The following XIRP2 variants were observed in gnomAD, a reference collection of about 807,000 sequenced individuals.
XIRP2 encodes the protein xin actin binding repeat containing 2.
In XIRP2, 236 loss-of-function variants were observed where a neutral mutation model predicts 277.0. That is an observed-to-expected ratio of 0.85 (90% confidence interval 0.77 to 0.95). The LOEUF is 0.95. XIRP2 is among the 40% of genes least tolerant of loss of function. The pLI is 0.00. For missense variants in XIRP2, 4,640 were observed against 4,157.5 expected (o/e 1.12, Z -3.19); for synonymous variants, 1,490 against 1,416.5 (o/e 1.05, Z -1.17).
chr2:167,089,287 G>A (rs749182567), intron 2 of XIRP2, among the ~76,000 whole-genome samples: 8 of 151,932 alleles, frequency 5.3e-5, no homozygotes, highest in African/African-American at 9.7e-5. Context: ...GATTTTTTCC[G>A]TGTCTCCTTG....
At chr2:166,945,062 C>A (rs1418342546) in intron 2 of XIRP2, among the ~76,000 whole-genome samples, 2 of 152,082 alleles carry the variant, frequency 1.3e-5, no homozygotes, top group African/African-American at 4.8e-5. Flanking sequence ...CTCCTCCTTA[C>A]CAGGCCTCTC....
chr2:167,074,841 T>A, intron 2 of XIRP2, among the ~76,000 whole-genome samples: 1 of 152,112 alleles, frequency 6.6e-6, no homozygotes, highest in Non-Finnish European at 1.5e-5. Flanking sequence ...CCCAAGCTGG[T>A]CTCAAACTCC....
At chr2:167,073,090 G>C (rs1326817150) in intron 2 of XIRP2, among the ~76,000 whole-genome samples, 4 of 151,998 alleles carry the variant, frequency 2.6e-5, no homozygotes, top group Admixed American at 6.6e-5. Context: ...ATTAAAGGCT[G>C]TTACAACATT....
chr2:167,248,794 G>C lies in XIRP2; in HGVS notation c.7402G>C (p.Val2468Leu). The C allele has an allele frequency of 6.2e-7, 1 of 1,613,660 alleles. No homozygotes were observed. Among genetic ancestry groups the C allele is most frequent in the Non-Finnish European group, 8.5e-7 (1 of 1,179,772 alleles). The change falls in exon 9 of 11, where the codon GTG (valine) becomes CTG (leucine). Residue 2468 changes from valine (V) to leucine (L), a missense_variant. Coordinates refer to ENST00000409195, the MANE Select transcript of XIRP2 (RefSeq NM_152381.6). Reference sequence around the variant, plus strand: ...CTCAAAGGATCAGAAAAAAGTAATGGTGATGACCAGCAGTGAACACACGGA... The same window carrying C: ...CTCAAAGGATCAGAAAAAAGTAATGCTGATGACCAGCAGTGAACACACGGA... ...TTSKDQKKVMVMTSSEHTETK... is the reference protein window; with the variant it reads ...TTSKDQKKVMLMTSSEHTETK...
intron 2 of XIRP2, among the ~76,000 whole-genome samples, chr2:166,918,691 A>G (rs931436955): frequency 6.6e-6 from 1 of 152,174 alleles, no homozygotes; most frequent in African/African-American, 2.4e-5. Context: ...AAAAGAGGAC[A>G]TCAATGGGAA....
At position 166,925,224 on chromosome 2, in the gene XIRP2, TAGTATAAAAGGCATATGA is replaced by T. The variant is rs1685149229; in HGVS notation, c.408+21338_408+21355del. On this transcript the variant is annotated intron_variant, in intron 2 of 10. Coordinates refer to ENST00000409195, the MANE Select transcript of XIRP2 (RefSeq NM_152381.6). ...GGTCTAATATTAGTCATTTAGCTCT[TAGTATAAAAGGCATATGA>T]AGTTTTCATTGAGCCATTTAATTCA... 4.6e-5 allele frequency among the ~76,000 whole-genome samples: 7 copies of T among 152,196 alleles called. No individual in the cohort carries two copies. The South Asian group carries it at 1.5e-3, about 32-fold the overall frequency.
chr2:167,098,062 T>C (rs921199970), intron 2 of XIRP2, among the ~76,000 whole-genome samples: 6 of 152,174 alleles, frequency 3.9e-5, no homozygotes, highest in African/African-American at 1.4e-4. Flanking sequence ...CTTTGTGGTG[T>C]TCTCTGGATT....
intron 2 of XIRP2, among the ~76,000 whole-genome samples, chr2:167,026,401 C>G (rs1406189125): frequency 6.6e-6 from 1 of 152,126 alleles, no homozygotes; most frequent in Non-Finnish European, 1.5e-5. Flanking sequence ...GGTCTTGACT[C>G]TTTATCCAAT....
At chr2:167,048,366 T>C (rs1461146902) in intron 2 of XIRP2, among the ~76,000 whole-genome samples, 4 of 151,968 alleles carry the variant, frequency 2.6e-5, no homozygotes, top group South Asian at 2.1e-4. Context: ...AATTTCCCTT[T>C]GATTATAGAG....
chr2:166,984,753 T>C (rs1686958783), intron 2 of XIRP2, among the ~76,000 whole-genome samples: 1 of 152,192 alleles, frequency 6.6e-6, no homozygotes, highest in Non-Finnish European at 1.5e-5. Flanking sequence ...ATGCAAAGAA[T>C]TTGAATAAAA....
At chr2:167,049,243 C>G (rs1391236862) in intron 2 of XIRP2, among the ~76,000 whole-genome samples, 1 of 151,176 alleles carries the variant, frequency 6.6e-6, no homozygotes, top group Non-Finnish European at 1.5e-5. Context: ...TGGTCTGGTG[C>G]AAGCCCTACC....
At chr2:167,037,546 T>C (rs1205294728) in intron 2 of XIRP2, among the ~76,000 whole-genome samples, 1 of 151,432 alleles carries the variant, frequency 6.6e-6, no homozygotes, top group African/African-American at 2.4e-5. Context: ...TGTGTGTGTG[T>C]GTGTGTGTGT....
At chr2:167,185,129 A>G (rs1693120424) in intron 3 of XIRP2, among the ~76,000 whole-genome samples, 1 of 152,166 alleles carries the variant, frequency 6.6e-6, no homozygotes, top group Non-Finnish European at 1.5e-5. Context: ...TGATGTTTTC[A>G]TTGTCTTCAT....
Position 167,246,806 on chromosome 2 carries a change from A to G in XIRP2, c.5414A>G (p.Glu1805Gly), listed in dbSNP as rs1695285313. ...RQSLVERTVSETDIIPGDVHN... is the reference protein window; with the variant it reads ...RQSLVERTVSGTDIIPGDVHN... ...TCTCTGGTTGAACGTACTGTTAGTGAAACTGACATCATCCCTGGAGATGTG... is the reference window on the plus strand; with the variant it reads ...TCTCTGGTTGAACGTACTGTTAGTGGAACTGACATCATCCCTGGAGATGTG... Residue 1805 changes from glutamate to glycine, a missense_variant, in exon 9 of 11, where the codon GAA becomes GGA. Glu to Gly is a moderately conservative substitution (Grantham distance 98, BLOSUM62 -2). Transcript: ENST00000409195. 1.2e-6 allele frequency: 2 copies of G among 1,613,752 alleles called. No homozygotes were observed. The highest frequency in any genetic ancestry group is 2.7e-5 in the African/African-American group (2 of 74,892).
chr2:166,914,172 A>G (rs1331005062), intron 2 of XIRP2, among the ~76,000 whole-genome samples: 1 of 152,220 alleles, frequency 6.6e-6, no homozygotes, highest in African/African-American at 2.4e-5. Context: ...AAAGGCTGAC[A>G]TGATGCAGGG....
chr2:166,963,552 T>C lies in XIRP2; in HGVS notation c.408+59662T>C, dbSNP rs79427934. Among the ~76,000 whole-genome samples, 47 of 151,964 alleles carry C rather than the reference T, an allele frequency of 3.1e-4. No homozygotes were observed. In the East Asian group the frequency reaches 8.0e-3, roughly 26 times the overall value. On this transcript the variant is annotated intron_variant, in intron 2 of 10. Transcript: ENST00000409195. ...AAGGAATGGTCAGTCATGTTATATC[T>C]AAGAAAAGATATTTGAGCAGAGGTT...
At chr2:166,985,386 T>C (rs529548525) in intron 2 of XIRP2, among the ~76,000 whole-genome samples, 2 of 152,308 alleles carry the variant, frequency 1.3e-5, no homozygotes, top group South Asian at 2.1e-4. Context: ...TTAGGATTAA[T>C]ACTTTTTATG....
At chr2:167,127,542 T>C (rs1439502314) in intron 2 of XIRP2, among the ~76,000 whole-genome samples, 1 of 152,226 alleles carries the variant, frequency 6.6e-6, no homozygotes. Flanking sequence ...GTTTCACAGC[T>C]ATCTATACTG....
At chr2:167,171,530 T>C (rs1037389792) in intron 3 of XIRP2, among the ~76,000 whole-genome samples, 1 of 152,218 alleles carries the variant, frequency 6.6e-6, no homozygotes, top group East Asian at 1.9e-4. Flanking sequence ...GAGAAGAATA[T>C]GCATTCTGTT....
Sources: gnomAD v4.1 joint callset for allele counts (sites outside exome capture counted in the v4.1 genomes callset) on GRCh38, gnomAD v4.1.1 for gene constraint, MANE v1.5 for transcripts, NCBI Gene and HGNC (gene_info 2026-07-23, HGNC 2026-07-21) for gene names.